Variants in PTPRJ observed in about 807,000 individuals in gnomAD.
The protein encoded by PTPRJ is protein tyrosine phosphatase receptor type J.
Under a neutral mutation model 141.3 loss-of-function variants are expected in PTPRJ, and 129 were observed. That is an observed-to-expected ratio of 0.91 (90% CI 0.79 to 1.06). The LOEUF (loss-of-function observed/expected upper bound fraction) is 1.06, where lower values mean the gene tolerates loss of function less well. Ranked by LOEUF, PTPRJ falls within the 50% of genes least tolerant of loss-of-function variation. PTPRJ has a pLI of 0.00. For missense variants in PTPRJ, 1,601 were observed against 1,679.7 expected (o/e 0.95, Z 0.82); for synonymous variants, 610 against 640.5 (o/e 0.95, Z 0.72).
At chr11:47,990,373 A>G (rs545041104) in intron 1 of PTPRJ, among the ~76,000 whole-genome samples, 1 of 152,320 alleles carries the variant, frequency 6.6e-6, no homozygotes, top group South Asian at 2.1e-4. Context: ...AAAGACCATA[A>G]TATTGTAATT....
Position 47,980,970 on chromosome 11 carries a change from G to GCGCTGC in PTPRJ, c.65_70dup (p.Pro22_Leu23dup), listed in dbSNP as rs1853885929. The GCGCTGC allele has an allele frequency of 1.6e-5, 19 of 1,211,820 alleles. No individual in the cohort carries two copies. The highest frequency in any genetic ancestry group is 4.1e-5 in the South Asian group (1 of 24,150). 75.1% of individuals were successfully genotyped at this position (1,211,820 alleles called of 1,614,324 possible). On this transcript the variant is annotated inframe_insertion, in exon 1 of 25. Transcript: ENST00000418331. The stretch of plus-strand genomic sequence containing the variant: ...TCCGCGCTCGCCCGGGCTGCGCTGG[G>GCGCTGC]CGCTGCCGCTGCTGCTGCTGCTGCT...
chr11:48,011,166 C>G (rs1455120491), intron 1 of PTPRJ, among the ~76,000 whole-genome samples: 1 of 152,120 alleles, frequency 6.6e-6, no homozygotes, highest in Non-Finnish European at 1.5e-5. Context: ...AGTCACCATG[C>G]TTTGTAAGAC....
At chr11:48,101,232 G>T (rs1322654011) in intron 1 of PTPRJ, among the ~76,000 whole-genome samples, 1 of 152,178 alleles carries the variant, frequency 6.6e-6, no homozygotes, top group Non-Finnish European at 1.5e-5. Flanking sequence ...TCACGGGTCC[G>T]GGGACATCCT....
At chr11:47,981,090 C>A (rs1177150399) in intron 1 of PTPRJ, 82 bp downstream of exon 1, 2 of 1,166,184 alleles carry the variant, frequency 1.7e-6, no homozygotes, top group Non-Finnish European at 2.1e-6. Flanking sequence ...GCGTACCCCC[C>A]CGGGGGGTTC....
rs572121410 is a variant in PTPRJ at position 48,130,543 on chromosome 11, C to T, written c.1442C>T (p.Ser481Leu). 2 of 1,614,102 alleles carry T rather than the reference C, an allele frequency of 1.2e-6. No individual in the cohort carries two copies. Among genetic ancestry groups the T allele is most frequent in the Middle Eastern group, 1.6e-4 (1 of 6,062 alleles). Residue 481 changes from serine to leucine, a missense_variant, in exon 8 of 25, where the codon TCA becomes TTA. Transcript: ENST00000418331. Reference protein sequence around the residue: ...GLAWSSHDAESFQMHITQEGA... With the variant: ...GLAWSSHDAELFQMHITQEGA... ...GCATGGAGCAGCCATGATGCAGAAT[C>T]ATTTCAGATGCATATCACACAGGAG... is the stretch of plus-strand genomic sequence containing the variant.
chr11:48,096,039 A>G (rs1435148898), intron 1 of PTPRJ, among the ~76,000 whole-genome samples: 1 of 152,192 alleles, frequency 6.6e-6, no homozygotes, highest in Non-Finnish European at 1.5e-5. Flanking sequence ...CAGAGACTCA[A>G]ACTCAGCCCT....
chr11:47,981,201 G>A (rs1853896168), intron 1 of PTPRJ, among the ~76,000 whole-genome samples, 193 bp downstream of exon 1: 1 of 152,128 alleles, frequency 6.6e-6, no homozygotes. Flanking sequence ...TTTTCCGGCT[G>A]CCCAGGATCG....
rs1853873404 is a variant in PTPRJ at position 47,980,674 on chromosome 11, G to C, written c.-239G>C. 1.0e-6 allele frequency: 1 copy of C among 987,696 alleles called. No individual in the cohort carries two copies. Among genetic ancestry groups the C allele is most frequent in the South Asian group, 4.7e-5 (1 of 21,354 alleles). 61.2% of individuals were successfully genotyped at this position (987,696 alleles called of 1,614,324 possible). ...GCTCCGCCCCGCGAAGCCCCTGCGC[G>C]CTCAGGGACGCGGCCCCCCCGCGGC... On this transcript the variant is annotated 5_prime_UTR_variant, in exon 1 of 25. Coordinates refer to ENST00000418331, the MANE Select transcript of PTPRJ (RefSeq NM_002843.4).
chr11:48,139,822 C>T, intron 11 of PTPRJ, 46 bp downstream of exon 11: 1 of 1,591,460 alleles, frequency 6.3e-7, no homozygotes. Context: ...GTGATCACTC[C>T]TGGAGCGGCT....
At chr11:48,013,123 A>G (rs1326104001) in intron 1 of PTPRJ, among the ~76,000 whole-genome samples, 2 of 132,542 alleles carry the variant, frequency 1.5e-5, no homozygotes, top group Non-Finnish European at 3.3e-5. Flanking sequence ...AAAAAAAAAA[A>G]GGTTCCATTC....
intron 1 of PTPRJ, among the ~76,000 whole-genome samples, chr11:48,059,595 A>T (rs1180009113): frequency 6.6e-6 from 1 of 152,184 alleles, no homozygotes; most frequent in Non-Finnish European, 1.5e-5. Flanking sequence ...CAAATACTGA[A>T]GGTTGTGCTC....
At chr11:48,132,807 T>G in intron 8 of PTPRJ, 2 of 811,028 alleles carry the variant, frequency 2.5e-6, no homozygotes, top group South Asian at 1.1e-4. Flanking sequence ...GCTGGTTGGG[T>G]TAAGCACCGA....
At chr11:48,029,462 T>C (rs985013761) in intron 1 of PTPRJ, among the ~76,000 whole-genome samples, 2 of 152,214 alleles carry the variant, frequency 1.3e-5, no homozygotes, top group African/African-American at 4.8e-5. Context: ...ACAGGAAGAA[T>C]GTCTCACTAG....
chr11:48,111,389 A>G (rs565608010), intron 2 of PTPRJ, among the ~76,000 whole-genome samples: 5 of 151,656 alleles, frequency 3.3e-5, no homozygotes, highest in Admixed American at 6.6e-5. Flanking sequence ...TTTCTCCCCA[A>G]AATTTGGGAA....
At chr11:48,030,498 G>T (rs1410256854) in intron 1 of PTPRJ, among the ~76,000 whole-genome samples, 3 of 152,156 alleles carry the variant, frequency 2.0e-5, no homozygotes, top group African/African-American at 7.2e-5. Flanking sequence ...TCAAGAGGAG[G>T]CCTTTCAGCT....
chr11:48,106,678 T>G (rs1398495041), intron 1 of PTPRJ, among the ~76,000 whole-genome samples: 1 of 152,276 alleles, frequency 6.6e-6, no homozygotes, highest in East Asian at 1.9e-4. Context: ...GGGGAAAATT[T>G]TAGAAGTTTT....
chr11:48,044,020 C>T (rs995948773), intron 1 of PTPRJ, among the ~76,000 whole-genome samples: 1 of 152,188 alleles, frequency 6.6e-6, no homozygotes, highest in Non-Finnish European at 1.5e-5. Flanking sequence ...TGCTTTGACA[C>T]TCTAGGATGT....
At chr11:48,132,210 T>C in intron 8 of PTPRJ, 1 of 985,388 alleles carries the variant, frequency 1.0e-6, no homozygotes. Flanking sequence ...TGAGATACTT[T>C]GTTAGTTCTA....
intron 22 of PTPRJ, among the ~76,000 whole-genome samples, chr11:48,161,047 A>G (rs11039550): frequency 0.45 from 68,073 of 151,598 alleles, 18,397 homozygotes; most frequent in Non-Finnish European, 0.58. Flanking sequence ...GCATGCTGGT[A>G]TACACCTGTA....
Sources: gnomAD v4.1 joint callset for allele counts (sites outside exome capture counted in the v4.1 genomes callset) on GRCh38, gnomAD v4.1.1 for gene constraint, MANE v1.5 for transcripts, NCBI Gene and HGNC (gene_info 2026-07-23, HGNC 2026-07-21) for gene names.